Variants in PCDH15 observed in about 807,000 individuals in gnomAD.
PCDH15 encodes protocadherin-15.
In PCDH15, 129 loss-of-function variants were observed where a neutral mutation model predicts 178.5. The ratio of observed to expected loss-of-function variants is 0.72; its 90% CI spans 0.63 to 0.84. PCDH15 has a LOEUF of 0.84. Among genes scored for constraint, PCDH15 ranks in the 40% least tolerant of loss-of-function variants. The pLI, the probability that PCDH15 is intolerant of heterozygous loss-of-function variation, is 0.00. For missense variants in PCDH15, 2,230 were observed against 2,099.9 expected (o/e 1.06, Z -1.21); for synonymous variants, 800 against 732.0 (o/e 1.09, Z -1.50).
At chr10:55,145,956 T>C (rs147537113) in intron 2 of PCDH15, among the ~76,000 whole-genome samples, 267 of 152,050 alleles carry the variant, frequency 1.8e-3, no homozygotes, top group African/African-American at 6.0e-3. Flanking sequence ...AGTAGAAATA[T>C]AGAGTAGCTA....
At chr10:55,568,209 C>T (rs577630548) in intron 2 of PCDH15, among the ~76,000 whole-genome samples, 1 of 151,872 alleles carries the variant, frequency 6.6e-6, no homozygotes, top group Admixed American at 6.6e-5. Flanking sequence ...TTGTATACAA[C>T]AGAATATTAT....
chr10:54,329,532 A>G lies in PCDH15; in HGVS notation c.705+64T>C, dbSNP rs576264048. The stretch of plus-strand genomic sequence containing the variant: ...AGAGCTCTCCAAGAGTATCTGATAC[A>G]TTTTGGATGAGTTTTTTACTTCATA... On this transcript the variant is annotated intron_variant, in intron 7 of 37. Transcript: ENST00000644397. 5.8e-6 allele frequency: 7 copies of G among 1,211,278 alleles called. No homozygotes were observed. The Admixed American group carries it at 8.5e-5, about 15-fold the overall frequency. 75.0% of individuals were successfully genotyped at this position (1,211,278 alleles called of 1,614,324 possible).
chr10:54,203,402 A>G (rs2050451549), intron 10 of PCDH15, among the ~76,000 whole-genome samples: 1 of 152,190 alleles, frequency 6.6e-6, no homozygotes. Context: ...GTGTATACAC[A>G]GTATCAATAT....
At chr10:55,614,484 G>A (rs544802555) in intron 2 of PCDH15, among the ~76,000 whole-genome samples, 1 of 152,046 alleles carries the variant, frequency 6.6e-6, no homozygotes, top group African/African-American at 2.4e-5. Context: ...AGTGCATGAG[G>A]GATAAAGCAA....
chr10:55,390,763 T>G (rs527517926), intron 2 of PCDH15, among the ~76,000 whole-genome samples: 1 of 152,290 alleles, frequency 6.6e-6, no homozygotes, highest in East Asian at 1.9e-4. Flanking sequence ...TTTGTACATC[T>G]CCATCAGAGC....
At chr10:55,474,737 T>C (rs937940650) in intron 2 of PCDH15, among the ~76,000 whole-genome samples, 1 of 152,146 alleles carries the variant, frequency 6.6e-6, no homozygotes, top group East Asian at 1.9e-4. Flanking sequence ...ATTGCAGCTG[T>C]TAGGCTCAAG....
At chr10:54,035,261 G>A (rs1772020291) in intron 18 of PCDH15, among the ~76,000 whole-genome samples, 1 of 151,852 alleles carries the variant, frequency 6.6e-6, no homozygotes, top group Non-Finnish European at 1.5e-5. Flanking sequence ...TGGCTTTATT[G>A]TGCTTCACGG....
chr10:54,686,587 G>A (rs1344915797), intron 1 of PCDH15, among the ~76,000 whole-genome samples: 2 of 152,002 alleles, frequency 1.3e-5, no homozygotes, highest in Non-Finnish European at 2.9e-5. Context: ...TTTTTTGTGT[G>A]TATGGTGTAA....
intron 2 of PCDH15, among the ~76,000 whole-genome samples, chr10:55,008,897 C>A (rs200338238): frequency 2.0e-5 from 3 of 150,862 alleles, no homozygotes; most frequent in Non-Finnish European, 4.4e-5. Context: ...AAAACAAAAA[C>A]AAAAACAAAA....
chr10:54,037,585 T>G (rs1045056476), intron 18 of PCDH15, among the ~76,000 whole-genome samples: 2 of 151,828 alleles, frequency 1.3e-5, no homozygotes, highest in Non-Finnish European at 2.9e-5. Flanking sequence ...CTTAATGGAG[T>G]ATAGTATAGT....
chr10:55,326,019 C>G (rs540734722), intron 2 of PCDH15, among the ~76,000 whole-genome samples: 1 of 152,054 alleles, frequency 6.6e-6, no homozygotes, highest in African/African-American at 2.4e-5. Flanking sequence ...TAGAGAAATC[C>G]AAATCAAAGC....
intron 2 of PCDH15, among the ~76,000 whole-genome samples, chr10:54,965,086 A>G (rs552352886): frequency 6.6e-6 from 1 of 152,342 alleles, no homozygotes; most frequent in South Asian, 2.1e-4. Context: ...GTACATATTA[A>G]TCTAAGCATA....
At chr10:54,461,670 C>A (rs1345510747) in intron 3 of PCDH15, among the ~76,000 whole-genome samples, 1 of 152,072 alleles carries the variant, frequency 6.6e-6, no homozygotes, top group East Asian at 1.9e-4. Context: ...CCTTGAGAAA[C>A]TTTTTTTCAA....
intron 21 of PCDH15, among the ~76,000 whole-genome samples, chr10:53,990,791 G>A (rs1249040762): frequency 2.6e-5 from 4 of 152,036 alleles, no homozygotes. Context: ...GGCTCCCCCT[G>A]CTTGCAGGGA....
intron 2 of PCDH15, among the ~76,000 whole-genome samples, chr10:54,928,896 G>A (rs1837696361): frequency 6.6e-6 from 1 of 152,044 alleles, no homozygotes; most frequent in Non-Finnish European, 1.5e-5. Flanking sequence ...AAAGAGCTTT[G>A]TTGCTATCCA....
intron 32 of PCDH15, chr10:53,825,072 TTAATCTGTTC>T (rs1446990250): frequency 3.4e-6 from 5 of 1,456,406 alleles, no homozygotes; most frequent in Non-Finnish European, 4.5e-6. Context: ...CAACAGCATT[TTAATCTGTTC>T]TATTGTATCT....
chr10:54,008,380 TTAAG>T (rs1173726657), intron 20 of PCDH15, among the ~76,000 whole-genome samples: 2 of 152,262 alleles, frequency 1.3e-5, no homozygotes, highest in East Asian at 3.9e-4. Context: ...TGTAGAAGCG[TTAAG>T]TAATACCCCC....
chr10:54,938,362 A>G (rs1380534680), intron 2 of PCDH15, among the ~76,000 whole-genome samples: 1 of 150,556 alleles, frequency 6.6e-6, no homozygotes, highest in African/African-American at 2.4e-5. Context: ...TTTTTTGTCT[A>G]TATTCATTAA....
In PCDH15 at chr10:55,348,299, A is replaced by G. The variant is rs558607343; in HGVS notation, c.-155-181648T>C. 7.6e-4 allele frequency among the ~76,000 whole-genome samples: 115 copies of G among 152,278 alleles called. 1 individual carries two copies. In the South Asian group the frequency reaches 0.023, roughly 31 times the overall value. On this transcript the variant is annotated intron_variant, in intron 2 of 5. Transcript: ENST00000613346. ...TACTATATGAATACACATATAGAAT[A>G]TTTGCATCATTGAAGAAAAATATAT...
Sources: allele counts gnomAD v4.1 joint callset (sites outside exome capture counted in the v4.1 genomes callset), GRCh38; gene constraint gnomAD v4.1.1; transcripts MANE v1.5; gene names NCBI Gene and HGNC (gene_info 2026-07-23, HGNC 2026-07-21).